Variants in GAS6 observed in about 807,000 individuals in gnomAD.
GAS6 encodes the protein growth arrest specific 6, also known as growth arrest-specific protein 6.
Under a neutral mutation model 75.8 loss-of-function variants are expected in GAS6, and 41 were observed. The ratio of observed to expected loss-of-function variants is 0.54; its 90% CI spans 0.42 to 0.70. The LOEUF (loss-of-function observed/expected upper bound fraction) is 0.70. GAS6 is among the 30% of genes least tolerant of loss of function. The pLI, the probability that GAS6 is intolerant of heterozygous loss-of-function variation, is 0.00. For synonymous variants in GAS6, 432 were observed against 412.6 expected, an observed-to-expected ratio of 1.05 and a Z score of -0.57; for missense variants, 854 against 940.2, an observed-to-expected ratio of 0.91 and a Z score of 1.20.
chr13:113,835,533 G>A lies in GAS6; in HGVS notation c.692C>T (p.Ser231Phe), dbSNP rs146159446. 6.8e-6 allele frequency: 11 copies of A among 1,612,468 alleles called. No individual in the cohort carries two copies. The Admixed American group carries it at 1.5e-4, about 22-fold the overall frequency. Reference protein sequence around the residue: ...CLCDEGFAYSSQEKACRDVDE... With the variant: ...CLCDEGFAYSFQEKACRDVDE... ...GGTACCTCGGCAAGCCTTCTCCTGG[G>A]AGCTGTACGCAAAGCCCTCGTCACA... The change falls in exon 7 of 15, where the codon TCC (serine) becomes TTC (phenylalanine). Residue 231 changes from serine to phenylalanine, a missense_variant. Coordinates refer to ENST00000327773, the MANE Select transcript of GAS6 (RefSeq NM_000820.4).
Position 113,863,172 on chromosome 13 carries a change from T to C in GAS6, c.255+403A>G, listed in dbSNP as rs372655970. Among the ~76,000 whole-genome samples the C allele has an allele frequency of 6.6e-6, 1 of 152,142 alleles. No individual in the cohort carries two copies. Among genetic ancestry groups the C allele is most frequent in the South Asian group, 2.1e-4 (1 of 4,830 alleles). On this transcript the variant is annotated intron_variant, in intron 2 of 14. Transcript: ENST00000327773. The surrounding 1 kb of genome is among the most constrained non-coding windows in gnomAD (Gnocchi z 9.4). ...CCGCCCTCGGCCCTTTCAATTCCTC[T>C]TTCGGGAGGGGACTGCTCTCCACCC...
intron 4 of GAS6, among the ~76,000 whole-genome samples, chr13:113,846,144 C>A (rs754376134): frequency 6.6e-6 from 1 of 152,200 alleles, no homozygotes; most frequent in Non-Finnish European, 1.5e-5. Flanking sequence ...TGCAGAGGCA[C>A]GGGACAGACC....
In GAS6 at chr13:113,835,552, C is replaced by A; in HGVS notation, c.673G>T (p.Glu225Ter). 3 of 1,612,566 alleles carry A rather than the reference C, an allele frequency of 1.9e-6. No individual in the cohort carries two copies. Among genetic ancestry groups the A allele is most frequent in the Non-Finnish European group, 2.5e-6 (3 of 1,179,868 alleles). Reference protein sequence around the residue: ...LPGSYSCLCDEGFAYSSQEKA... With the variant: ...LPGSYSCLCD ...TCCTGGGAGCTGTACGCAAAGCCCT[C>A]GTCACAGAGGCAGGAGTAGGAGCCG... The change falls in exon 7 of 15, where the codon GAG (glutamate) becomes TAG (stop). Residue 225 changes from glutamate (E) to a stop codon, truncating the protein, a stop_gained. Coordinates refer to ENST00000327773, the MANE Select transcript of GAS6 (RefSeq NM_000820.4). LOFTEE classifies it high-confidence loss of function.
intron 12 of GAS6, 76 bp downstream of exon 12, chr13:113,826,920 C>CCCCAGA: frequency 9.9e-7 from 1 of 1,007,426 alleles, no homozygotes; most frequent in Non-Finnish European, 1.3e-6. Context: ...CCATCTGAGG[C>CCCCAGA]CGTCTGCTTG....
rs1199004296 is a variant in GAS6 at position 113,826,466 on chromosome 13, C to CTCGGCT, written c.1477+529_1477+530insAGCCGA. ...CTCTCCCCAGCCTCCCGGCGCCGGC[C>CTCGGCT]TCGCAGGCACCTTCTCTCCCCGGCC... On this transcript the variant is annotated intron_variant, in intron 12 of 14. Coordinates refer to ENST00000327773, the MANE Select transcript of GAS6 (RefSeq NM_000820.4). 2.3e-4 allele frequency among the ~76,000 whole-genome samples: 23 copies of CTCGGCT among 99,466 alleles called. No homozygotes were observed. The South Asian group carries it at 4.4e-3, about 19-fold the overall frequency. The allele number at this position is 99,466 out of a possible 152,430, so 65.3% of individuals were successfully genotyped here.
At chr13:113,861,878 C>T (rs1447391466) in intron 2 of GAS6, among the ~76,000 whole-genome samples, 2 of 152,188 alleles carry the variant, frequency 1.3e-5, no homozygotes. Flanking sequence ...ACTGAGATGA[C>T]GCTGAAAAGA....
At chr13:113,827,791 C>T (rs544360850) in intron 11 of GAS6, among the ~76,000 whole-genome samples, 85 of 152,298 alleles carry the variant, frequency 5.6e-4, no homozygotes, top group African/African-American at 2.0e-3. Flanking sequence ...TAGACGTCAG[C>T]ACGTGGGGGC....
At chr13:113,833,843 GTACTGT>G (rs2051662137) in intron 8 of GAS6, 1 of 1,035,466 alleles carries the variant, frequency 9.7e-7, no homozygotes, top group African/African-American at 1.8e-5. Flanking sequence ...AGTGTGACAG[GTACTGT>G]TGTGACAGGT....
At chr13:113,858,802 T>C (rs917880546) in intron 2 of GAS6, among the ~76,000 whole-genome samples, 7 of 152,000 alleles carry the variant, frequency 4.6e-5, no homozygotes, top group South Asian at 2.1e-4. Context: ...TGACTGTATG[T>C]ATGTCTATGT....
intron 8 of GAS6, chr13:113,833,119 G>A: frequency 8.5e-7 from 1 of 1,171,862 alleles, no homozygotes; most frequent in South Asian, 1.7e-5. Context: ...GAAGATGGCT[G>A]TCCTGGAAAG....
intron 10 of GAS6, among the ~76,000 whole-genome samples, chr13:113,829,801 C>T (rs2051606843): frequency 6.6e-6 from 1 of 151,538 alleles, no homozygotes; most frequent in Admixed American, 6.6e-5. Flanking sequence ...GCCACCTGAT[C>T]CTCACCTGGG....
chr13:113,856,001 C>T lies in GAS6; in HGVS notation c.255+7574G>A, dbSNP rs145783600. ...TGGTTGCCTTCCGTGTTGTGAGGAC[C>T]GGCCAGGCCTGCAGGTTGGTGCCTT... On this transcript the variant is annotated intron_variant, in intron 2 of 14. Transcript: ENST00000327773. 3.5e-3 allele frequency among the ~76,000 whole-genome samples: 535 copies of T among 152,290 alleles called. 1 individual carries two copies. The highest frequency in any genetic ancestry group is 0.012 in the African/African-American group (480 of 41,550).
intron 10 of GAS6, among the ~76,000 whole-genome samples, chr13:113,829,540 G>C (rs1296231828): frequency 6.8e-6 from 1 of 147,546 alleles, no homozygotes; most frequent in Non-Finnish European, 1.5e-5. Context: ...CCTGGGCCAA[G>C]AGGGTCCCAA....
chr13:113,825,979 G>C (rs2051532295), intron 12 of GAS6, among the ~76,000 whole-genome samples: 1 of 152,190 alleles, frequency 6.6e-6, no homozygotes, highest in Non-Finnish European at 1.5e-5. Flanking sequence ...GCGTGTGGGG[G>C]CTTCACCATA....
intron 6 of GAS6, 36 bp downstream of exon 6, chr13:113,838,026 TGGGGAGA>T: frequency 6.2e-7 from 1 of 1,604,964 alleles, no homozygotes; most frequent in Non-Finnish European, 8.5e-7. Context: ...AAATAGAAGG[TGGGGAGA>T]GGAGAGAGGA....
chr13:113,834,988 C>T (rs1203435575), intron 7 of GAS6, among the ~76,000 whole-genome samples: 1 of 152,260 alleles, frequency 6.6e-6, no homozygotes, highest in Non-Finnish European at 1.5e-5. Context: ...AGGGTCTGGG[C>T]TGTGCAGTGA....
chr13:113,835,667 C>A (rs750683328), intron 6 of GAS6, 32 bp from the exon 7 acceptor site: 3 of 1,606,336 alleles, frequency 1.9e-6, no homozygotes, highest in Non-Finnish European at 2.5e-6. Context: ...CCAACCGCAG[C>A]ACAGCGGCAT....
chr13:113,836,833 AGGAGGAGGGGGAGTGGGGGG>A (rs2051720715), intron 6 of GAS6, among the ~76,000 whole-genome samples: 1 of 104,156 alleles, frequency 9.6e-6, no homozygotes, highest in Non-Finnish European at 2.0e-5. Flanking sequence ...GAAGATGGGG[AGGAGGAGGGGGAGTGGGGGG>A]GAGGAGGAGG....
intron 2 of GAS6, among the ~76,000 whole-genome samples, chr13:113,861,809 G>A (rs1380141777): frequency 6.6e-6 from 1 of 152,158 alleles, no homozygotes; most frequent in African/African-American, 2.4e-5. Context: ...AAAAACCAGA[G>A]GGAAAGCGGG....
Sources: allele counts gnomAD v4.1 joint callset (sites outside exome capture counted in the v4.1 genomes callset), GRCh38; gene constraint gnomAD v4.1.1; non-coding constraint Gnocchi (gnomAD v3.1); transcripts MANE v1.5; gene names NCBI Gene and HGNC (gene_info 2026-07-23, HGNC 2026-07-21).